Variants in SLCO5A1 observed in about 807,000 individuals in gnomAD.
The protein encoded by SLCO5A1 is solute carrier organic anion transporter family member 5A1.
SLCO5A1 carries 39 observed loss-of-function variants against 65.1 expected under a neutral mutation model. That is an observed-to-expected ratio of 0.60 (90% CI 0.46 to 0.78). The LOEUF (loss-of-function observed/expected upper bound fraction) is 0.78, where lower values mean the gene tolerates loss of function less well. Ranked by LOEUF, SLCO5A1 falls within the 30% of genes least tolerant of loss-of-function variation. The pLI is 0.00. For synonymous variants in SLCO5A1, 438 were observed against 415.7 expected, an observed-to-expected ratio of 1.05 and a Z score of -0.65; for missense variants, 1,029 against 1,069.4, an observed-to-expected ratio of 0.96 and a Z score of 0.53.
At chr8:69,808,961 A>C (rs969811887) in intron 2 of SLCO5A1, among the ~76,000 whole-genome samples, 1 of 152,108 alleles carries the variant, frequency 6.6e-6, no homozygotes, top group African/African-American at 2.4e-5. Context: ...AAAATTAGCC[A>C]GGCATGGTGG....
intron 5 of SLCO5A1, among the ~76,000 whole-genome samples, chr8:69,722,398 T>C (rs1815868315): frequency 6.6e-6 from 1 of 152,210 alleles, no homozygotes; most frequent in Admixed American, 6.5e-5. Context: ...ACTGAGAAAA[T>C]GAAATGACAA....
intron 2 of SLCO5A1, among the ~76,000 whole-genome samples, chr8:69,785,445 G>T (rs1276220989): frequency 6.6e-6 from 1 of 152,100 alleles, no homozygotes; most frequent in Non-Finnish European, 1.5e-5. Flanking sequence ...TATGATAAAT[G>T]CCTAACAGTG....
In SLCO5A1 at chr8:69,761,873, T is replaced by C. The variant is rs553516007; in HGVS notation, c.910A>G (p.Ile304Val). ...CCAAGTGCTCCCATGACATACATGA[T>C]GGCTGAGAAGACAGAAGGGGAAATG... Reference protein sequence around the residue: ...KKENSSLYLAIMYVMGALGPA... With the variant: ...KKENSSLYLAVMYVMGALGPA... Residue 304 changes from isoleucine (I) to valine (V), a missense_variant and splice_region_variant, in exon 3 of 10, where the codon ATC becomes GTC. By Grantham distance (29) the Ile-to-Val change is conservative (BLOSUM62 3). Coordinates refer to ENST00000260126, the MANE Select transcript of SLCO5A1 (RefSeq NM_030958.3). The C allele has an allele frequency of 1.2e-6, 2 of 1,611,922 alleles. No homozygotes were observed. The highest frequency in any genetic ancestry group is 1.7e-4 in the Middle Eastern group (1 of 6,056).
chr8:69,715,249 C>T (rs1002199188), intron 5 of SLCO5A1, among the ~76,000 whole-genome samples: 1 of 152,138 alleles, frequency 6.6e-6, no homozygotes, highest in African/African-American at 2.4e-5. Flanking sequence ...GGGTAGGGAG[C>T]CTTTGCAGAG....
At chr8:69,738,543 A>G (rs1004775128) in intron 4 of SLCO5A1, among the ~76,000 whole-genome samples, 11 of 152,182 alleles carry the variant, frequency 7.2e-5, no homozygotes, top group African/African-American at 2.7e-4. Context: ...AGGCAATGCT[A>G]TTTATTGTTA....
At chr8:69,735,046 T>C (rs1015376384) in intron 5 of SLCO5A1, among the ~76,000 whole-genome samples, 1 of 152,142 alleles carries the variant, frequency 6.6e-6, no homozygotes, top group Non-Finnish European at 1.5e-5. Flanking sequence ...AAGACATACA[T>C]GCAGCCAAGA....
intron 6 of SLCO5A1, among the ~76,000 whole-genome samples, chr8:69,688,907 T>G (rs924764970): frequency 6.6e-6 from 1 of 152,162 alleles, no homozygotes; most frequent in African/African-American, 2.4e-5. Flanking sequence ...CCTGAGGAAT[T>G]GCCACACTGA....
chr8:69,767,889 C>CAAAAAAAAAAAAAAAAA (rs746004982), intron 2 of SLCO5A1, among the ~76,000 whole-genome samples: 1 of 35,040 alleles, frequency 2.9e-5, no homozygotes, highest in Non-Finnish European at 5.5e-5. Flanking sequence ...GACTCCATCT[C>CAAAAAAAAAAAAAAAAA]AAAAAAAAAA....
At position 69,743,972 on chromosome 8, in the gene SLCO5A1, C is replaced by T. The variant is rs116617867; in HGVS notation, c.1259-5768G>A. 9.2e-3 allele frequency among the ~76,000 whole-genome samples: 1,402 copies of T among 152,194 alleles called. 20 individuals carry two copies. Among genetic ancestry groups the T allele is most frequent in the African/African-American group, 0.032 (1,336 of 41,528 alleles). On this transcript the variant is annotated intron_variant, in intron 4 of 9. Coordinates refer to ENST00000260126, the MANE Select transcript of SLCO5A1 (RefSeq NM_030958.3). ...ACTGAACCTGGAGCCACAGTGGAGT[C>T]TGCAGAGTGACTGTGGAGCTCAATG...
At chr8:69,821,902 G>T (rs1204209739) in intron 2 of SLCO5A1, among the ~76,000 whole-genome samples, 2 of 152,078 alleles carry the variant, frequency 1.3e-5, no homozygotes, top group Non-Finnish European at 2.9e-5. Flanking sequence ...CAAGGTGGGT[G>T]GGTCAACTGT....
At chr8:69,826,423 C>T (rs1331167493) in intron 2 of SLCO5A1, among the ~76,000 whole-genome samples, 11 of 151,748 alleles carry the variant, frequency 7.2e-5, no homozygotes, top group African/African-American at 2.4e-4. Flanking sequence ...TGAACTCAAA[C>T]AAATTTACAA....
At chr8:69,753,908 C>T (rs1434588790) in intron 4 of SLCO5A1, among the ~76,000 whole-genome samples, 3 of 146,028 alleles carry the variant, frequency 2.1e-5, no homozygotes, top group African/African-American at 5.1e-5. Context: ...GCCAGCTGTT[C>T]GGGAGGCTGA....
In SLCO5A1 at chr8:69,761,753, T is replaced by C; in HGVS notation, c.1030A>G (p.Ile344Val). 1 of 1,613,230 alleles carries C rather than the reference T, an allele frequency of 6.2e-7. No homozygotes were observed. Among genetic ancestry groups the C allele is most frequent in the Non-Finnish European group, 8.5e-7 (1 of 1,179,842 alleles). The change falls in exon 3 of 10, where the codon ATT becomes GTT. Residue 344 changes from isoleucine to valine, a missense_variant. By Grantham distance (29) the Ile-to-Val change is conservative. Coordinates refer to ENST00000260126, the MANE Select transcript of SLCO5A1 (RefSeq NM_030958.3). ...VHLDQNDPRF[I>V]GNWWSGFLLC... Reference sequence around the variant, plus strand: ...GAAAACAGAACTTACCAGTTTCCAATGAAACGAGGGTCATTCTGGTCAAGG... The same window carrying C: ...GAAAACAGAACTTACCAGTTTCCAACGAAACGAGGGTCATTCTGGTCAAGG...
chr8:69,765,943 A>G (rs1005856684), intron 2 of SLCO5A1, among the ~76,000 whole-genome samples: 4 of 152,150 alleles, frequency 2.6e-5, no homozygotes, highest in African/African-American at 9.7e-5. Flanking sequence ...TGTCTATTCT[A>G]GCAGCCCTCA....
In SLCO5A1 at chr8:69,833,119, CG is replaced by C; in HGVS notation, c.-447del. 1 of 163,092 alleles carries C rather than the reference CG, an allele frequency of 6.1e-6. No homozygotes were observed. Among genetic ancestry groups the C allele is most frequent in the South Asian group, 1.6e-4 (1 of 6,324 alleles). 10.1% of individuals were successfully genotyped at this position (163,092 alleles called of 1,614,324 possible). On this transcript the variant is annotated 5_prime_UTR_variant, in exon 2 of 10. Coordinates refer to ENST00000260126, the MANE Select transcript of SLCO5A1 (RefSeq NM_030958.3). ...TCCCACCTCGCTGCGCCAGGGGTAC[CG>C]GGTGTTCGCCGCCTGGGCTCGCGGC...
chr8:69,768,467 G>A (rs1476161404), intron 2 of SLCO5A1, among the ~76,000 whole-genome samples: 2 of 152,100 alleles, frequency 1.3e-5, no homozygotes, highest in African/African-American at 2.4e-5. Flanking sequence ...GTCATCTCAG[G>A]CTGCCATGAC....
At chr8:69,696,775 A>G (rs547470928) in intron 6 of SLCO5A1, among the ~76,000 whole-genome samples, 13 of 152,370 alleles carry the variant, frequency 8.5e-5, no homozygotes, top group African/African-American at 3.1e-4. Flanking sequence ...GCAAGGCATA[A>G]AAACAAAGTT....
intron 2 of SLCO5A1, among the ~76,000 whole-genome samples, chr8:69,770,549 T>C (rs2130873021): frequency 6.6e-6 from 1 of 152,156 alleles, no homozygotes; most frequent in Non-Finnish European, 1.5e-5. Context: ...CATTCCCAGC[T>C]CAGCTGTGTA....
intron 2 of SLCO5A1, among the ~76,000 whole-genome samples, chr8:69,802,746 G>T (rs912250783): frequency 9.2e-5 from 14 of 151,960 alleles, no homozygotes; most frequent in Non-Finnish European, 1.9e-4. Flanking sequence ...CTGCCTGGAG[G>T]CCTCATCTCC....
Sources: allele counts gnomAD v4.1 joint callset (sites outside exome capture counted in the v4.1 genomes callset), GRCh38; gene constraint gnomAD v4.1.1; transcripts MANE v1.5; gene names NCBI Gene and HGNC (gene_info 2026-07-23, HGNC 2026-07-21).